PPP2R2D: variants seen among roughly 807,000 people sequenced by gnomAD.
PPP2R2D encodes the protein serine/threonine-protein phosphatase 2A 55 kDa regulatory subunit B delta isoform.
A neutral mutation model predicts 31.1 loss-of-function variants in PPP2R2D; 9 were observed. The observed-to-expected ratio is 0.29, with a 90% CI of 0.17 to 0.51. The LOEUF is 0.51. Ranked by LOEUF, PPP2R2D falls within the 20% of genes least tolerant of loss-of-function variation. PPP2R2D has a pLI of 0.98. For missense variants in PPP2R2D, 391 were observed against 465.6 expected, an observed-to-expected ratio of 0.84 and a Z score of 1.48; for synonymous variants, 179 against 172.6, an observed-to-expected ratio of 1.04 and a Z score of -0.29.
downstream of PPP2R2D, among the ~76,000 whole-genome samples, chr10:131,960,024 C>T (rs1182920117): frequency 6.6e-6 from 1 of 152,196 alleles, no homozygotes; most frequent in African/African-American, 2.4e-5. Context: ...GCGCACGTTC[C>T]CTGGAGGTGT....
downstream of PPP2R2D, among the ~76,000 whole-genome samples, chr10:131,962,751 C>T (rs1554901651): frequency 3.9e-5 from 6 of 151,946 alleles, no homozygotes. Context: ...GCCCAGACCA[C>T]GTGACTGCCT....
chr10:131,927,484 A>G (rs1039609237), intron 2 of PPP2R2D, among the ~76,000 whole-genome samples: 9 of 152,180 alleles, frequency 5.9e-5, no homozygotes, highest in Non-Finnish European at 1.3e-4. Context: ...GAAGACGGAT[A>G]GCTGCTTGGG....
chr10:131,938,153 T>C (rs4342945), intron 3 of PPP2R2D, among the ~76,000 whole-genome samples: 81,620 of 152,058 alleles, frequency 0.54, 22,130 homozygotes, highest in East Asian at 0.62. Flanking sequence ...CCCTGCACAT[T>C]GGACTCTGCA....
At chr10:131,968,686 A>G in the PPP2R2D span, 1 of 768,800 alleles carries the variant, frequency 1.3e-6, no homozygotes, top group Non-Finnish European at 2.1e-6. Flanking sequence ...TGGTGATTTT[A>G]TACCCATTAT....
Position 131,945,797 on chromosome 10 carries a change from C to T in PPP2R2D, c.820+338C>T, listed in dbSNP as rs782080041. 3 of 210,504 alleles carry T rather than the reference C, an allele frequency of 1.4e-5. No individual in the cohort carries two copies. The highest frequency in any genetic ancestry group is 5.2e-5 in the Admixed American group (1 of 19,186). The allele number at this position is 210,504 out of a possible 1,614,324, so 13.0% of individuals were successfully genotyped here. A position where few individuals can be genotyped will look rare whatever the true frequency, so the allele number is the denominator to read the frequency against. On this transcript the variant is annotated intron_variant, in intron 7 of 8. Coordinates refer to ENST00000455566, the MANE Select transcript of PPP2R2D (RefSeq NM_018461.5). This position sits in a 1 kb window ranked among gnomAD's most constrained non-coding sequence, Gnocchi z 4.8. Reference sequence around the variant, plus strand: ...ATCTCATTTAGAGCCACTTGTTCTTCAGACACTCCAAAGACTTAGAGAGTT... The same window carrying T: ...ATCTCATTTAGAGCCACTTGTTCTTTAGACACTCCAAAGACTTAGAGAGTT...
chr10:131,943,782 A>G (rs2036484196), intron 5 of PPP2R2D, among the ~76,000 whole-genome samples, 186 bp from the exon 6 acceptor site: 1 of 152,262 alleles, frequency 6.6e-6, no homozygotes, highest in Admixed American at 6.5e-5. Context: ...GACTTGGAAT[A>G]GACAGTATTC....
At chr10:131,963,691 GAC>G (rs551177422), downstream of PPP2R2D, among the ~76,000 whole-genome samples, 4 of 152,262 alleles carry the variant, frequency 2.6e-5, no homozygotes, top group Non-Finnish European at 4.4e-5. Flanking sequence ...GCAGCGCGCT[GAC>G]ACCCCAGTCC....
At chr10:131,915,266 T>G (rs1212699587) in intron 2 of PPP2R2D, among the ~76,000 whole-genome samples, 1 of 152,082 alleles carries the variant, frequency 6.6e-6, no homozygotes, top group African/African-American at 2.4e-5. Flanking sequence ...CGTGTACCAG[T>G]GCGTTTGTAA....
chr10:131,913,332 G>T (rs1417059904), intron 2 of PPP2R2D, among the ~76,000 whole-genome samples: 4 of 151,842 alleles, frequency 2.6e-5, no homozygotes, highest in African/African-American at 9.7e-5. Context: ...CACCCAGCTT[G>T]TAAAAGTTCT....
chr10:131,918,175 G>A (rs1181103148), intron 2 of PPP2R2D, among the ~76,000 whole-genome samples: 1 of 147,532 alleles, frequency 6.8e-6, no homozygotes, highest in Non-Finnish European at 1.5e-5. Flanking sequence ...GACCTCACGT[G>A]GGTGGAATGG....
intron 2 of PPP2R2D, among the ~76,000 whole-genome samples, chr10:131,927,219 A>G (rs2036123764): frequency 6.6e-6 from 1 of 152,004 alleles, no homozygotes; most frequent in South Asian, 2.1e-4. Flanking sequence ...GGTGTGAGAC[A>G]GTCATTTTGA....
intron 2 of PPP2R2D, among the ~76,000 whole-genome samples, chr10:131,922,391 G>A (rs1252355404): frequency 2.0e-5 from 3 of 150,780 alleles, no homozygotes; most frequent in Non-Finnish European, 4.4e-5. Flanking sequence ...AAATTTAATT[G>A]TTCCACAATG....
chr10:131,933,404 C>T (rs1554895991), intron 2 of PPP2R2D, among the ~76,000 whole-genome samples: 1 of 152,150 alleles, frequency 6.6e-6, no homozygotes, highest in African/African-American at 2.4e-5. Flanking sequence ...TATAAACGTA[C>T]CGTGGGCCCT....
At chr10:131,927,577 G>A (rs1376273217) in intron 2 of PPP2R2D, among the ~76,000 whole-genome samples, 4 of 152,020 alleles carry the variant, frequency 2.6e-5, no homozygotes, top group African/African-American at 4.8e-5. Flanking sequence ...ACTGACTGTC[G>A]CCCAGCAAAG....
chr10:131,923,182 A>G (rs548308258), intron 2 of PPP2R2D, among the ~76,000 whole-genome samples: 2 of 152,146 alleles, frequency 1.3e-5, no homozygotes, highest in Non-Finnish European at 2.9e-5. Flanking sequence ...ACCACTGATT[A>G]CTTTGTTTCT....
chr10:131,902,920 C>T (rs1192893932), intron 2 of PPP2R2D, among the ~76,000 whole-genome samples: 1 of 152,018 alleles, frequency 6.6e-6, no homozygotes, highest in African/African-American at 2.4e-5. Context: ...CCACACCAGG[C>T]TAATTTTTGT....
intron 7 of PPP2R2D, among the ~76,000 whole-genome samples, chr10:131,946,958 T>TA (rs2036554053): frequency 6.6e-6 from 1 of 152,022 alleles, no homozygotes; most frequent in African/African-American, 2.4e-5. Context: ...TCTTGGTGGT[T>TA]AAAATCAGGA....
intron 2 of PPP2R2D, among the ~76,000 whole-genome samples, chr10:131,917,065 A>G (rs1292189467): frequency 4.5e-5 from 6 of 133,652 alleles, no homozygotes; most frequent in African/African-American, 5.7e-5. Flanking sequence ...AGGCGGGTGG[A>G]ATGACACAGT....
intron 2 of PPP2R2D, among the ~76,000 whole-genome samples, chr10:131,904,049 C>G (rs2035543221): frequency 1.3e-5 from 2 of 151,974 alleles, no homozygotes; most frequent in Non-Finnish European, 2.9e-5. Context: ...ACTAAAAATA[C>G]AAAAATTAGC....
Sources: gnomAD v4.1 joint callset for allele counts (sites outside exome capture counted in the v4.1 genomes callset) on GRCh38, gnomAD v4.1.1 for gene constraint, Gnocchi (gnomAD v3.1) non-coding constraint, MANE v1.5 for transcripts, NCBI Gene and HGNC (gene_info 2026-07-23, HGNC 2026-07-21) for gene names.